Variants in RNF6 observed in about 807,000 individuals in gnomAD.
The protein encoded by RNF6 is ring finger protein 6.
A neutral mutation model predicts 50.1 loss-of-function variants in RNF6; 21 were observed. The ratio of observed to expected loss-of-function variants is 0.42; its 90% CI spans 0.30 to 0.60. The LOEUF is 0.60. RNF6 is among the 20% of genes least tolerant of loss of function. The pLI, the probability that RNF6 is intolerant of heterozygous loss-of-function variation, is 0.20. For missense variants in RNF6, 698 were observed against 838.2 expected, an observed-to-expected ratio of 0.83 and a Z score of 2.07; for synonymous variants, 255 against 291.8, an observed-to-expected ratio of 0.87 and a Z score of 1.29.
At chr13:26,176,094 G>C (rs1872944840) in intron 5 of RNF6, among the ~76,000 whole-genome samples, 1 of 152,152 alleles carries the variant, frequency 6.6e-6, no homozygotes, top group Non-Finnish European at 1.5e-5. Context: ...GGCCATGGTG[G>C]TTGTCTAAGG....
chr13:26,157,956 A>AAGAT (rs151267109), intron 5 of RNF6, among the ~76,000 whole-genome samples: 22,514 of 146,562 alleles, frequency 0.15, 1,863 homozygotes, highest in East Asian at 0.22. Flanking sequence ...AGCTAGCTAG[A>AAGAT]AGATAGATAG....
At chr13:26,184,018 A>ATATATTTT (rs1335766541) in intron 5 of RNF6, among the ~76,000 whole-genome samples, 10 of 33,940 alleles carry the variant, frequency 2.9e-4, no homozygotes, top group African/African-American at 9.3e-4. Context: ...ATATATATAT[A>ATATATTTT]TTTTTTTTTT....
Position 26,191,469 on chromosome 13 carries a change from C to T in RNF6, n.768+24005G>A, listed in dbSNP as rs534099836. ...TTGGCTCTATGTCCCCAAATCTCAT[C>T]TCAAATTGTAATCCCCACATGTCAA... On this transcript the variant is annotated intron_variant and non_coding_transcript_variant, in intron 5 of 5. Transcript: ENST00000468480. Among the ~76,000 whole-genome samples, 81 of 152,228 alleles carry T rather than the reference C, an allele frequency of 5.3e-4. 1 individual carries two copies. The South Asian group carries it at 0.016, about 30-fold the overall frequency.
intron 5 of RNF6, among the ~76,000 whole-genome samples, chr13:26,148,632 TTATA>T (rs57373126): frequency 0.012 from 560 of 47,050 alleles, 9 homozygotes; most frequent in South Asian, 0.026. Context: ...ATAAATCTCT[TTATA>T]TATATATATA....
downstream of RNF6, among the ~76,000 whole-genome samples, chr13:26,208,025 A>G (rs938332118): frequency 3.9e-5 from 6 of 152,240 alleles, no homozygotes; most frequent in Non-Finnish European, 7.3e-5. Context: ...CCTAGTAGAC[A>G]TTAACTAAGG....
intron 5 of RNF6, among the ~76,000 whole-genome samples, chr13:26,184,016 ATATTTTTTTTTTT>A (rs1225315563): frequency 0.023 from 882 of 38,494 alleles, 5 homozygotes; most frequent in Non-Finnish European, 0.029. Flanking sequence ...ATATATATAT[ATATTTTTTTTTTT>A]TTTTTTTTTT....
At chr13:26,137,537 CT>C (rs1418773525) in intron 5 of RNF6, among the ~76,000 whole-genome samples, 1 of 151,198 alleles carries the variant, frequency 6.6e-6, no homozygotes, top group Non-Finnish European at 1.5e-5. Flanking sequence ...TTAGACAGAA[CT>C]TTTTATCAGT....
At chr13:26,177,849 A>C (rs1192759784) in intron 5 of RNF6, among the ~76,000 whole-genome samples, 1 of 152,168 alleles carries the variant, frequency 6.6e-6, no homozygotes, top group Non-Finnish European at 1.5e-5. Context: ...CCACCATGTT[A>C]TTTCTTTCTA....
chr13:26,142,401 T>C (rs1871004278), intron 5 of RNF6: 1 of 152,186 alleles, frequency 6.6e-6, no homozygotes, highest in Non-Finnish European at 1.5e-5. Context: ...TGAATCATTC[T>C]ACCAAAAAGA....
chr13:26,141,640 C>G (rs1870957822), intron 5 of RNF6, among the ~76,000 whole-genome samples: 1 of 152,066 alleles, frequency 6.6e-6, no homozygotes, highest in Non-Finnish European at 1.5e-5. Context: ...AAAGAACTCT[C>G]TATTCAGTAA....
intron 5 of RNF6, among the ~76,000 whole-genome samples, chr13:26,174,086 C>T (rs1015849132): frequency 2.0e-5 from 3 of 152,204 alleles, no homozygotes; most frequent in Non-Finnish European, 4.4e-5. Flanking sequence ...CATAGGCTCA[C>T]TGCCATCCAC....
intron 5 of RNF6, among the ~76,000 whole-genome samples, chr13:26,175,123 C>T (rs1032235394): frequency 6.6e-6 from 1 of 152,150 alleles, no homozygotes. Flanking sequence ...CTCTGTCACC[C>T]AGGCTGGAGT....
intron 5 of RNF6, among the ~76,000 whole-genome samples, chr13:26,205,377 G>A (rs1000429755): frequency 3.3e-5 from 5 of 152,298 alleles, no homozygotes; most frequent in African/African-American, 1.2e-4. Context: ...TCTGAGAGTT[G>A]AGGCTCAATG....
intron 5 of RNF6, among the ~76,000 whole-genome samples, chr13:26,141,638 C>T (rs1566404575): frequency 2.0e-5 from 3 of 152,026 alleles, no homozygotes; most frequent in Admixed American, 1.3e-4. Context: ...GGAAAGAACT[C>T]TCTATTCAGT....
At chr13:26,186,768 CTTCTTCT>C (rs1415995674) in intron 5 of RNF6, among the ~76,000 whole-genome samples, 3 of 40,236 alleles carry the variant, frequency 7.5e-5, no homozygotes, top group Non-Finnish European at 1.9e-4. Flanking sequence ...AGGGACCTTT[CTTCTTCT>C]TTTTTTTTTT....
intron 5 of RNF6, among the ~76,000 whole-genome samples, chr13:26,185,528 C>T (rs1270305518): frequency 1.3e-5 from 2 of 151,992 alleles, no homozygotes; most frequent in African/African-American, 4.8e-5. Flanking sequence ...GGGCGGATCA[C>T]GAGGTCAAGA....
Position 26,214,044 on chromosome 13 carries a change from T to C in RNF6, c.1838A>G (p.Asn613Ser), listed in dbSNP as rs776633817. ...ATGCTCATAGTGCCTGGTGGAAAGA[T>C]TGTCAATCTGCTCTTTGGTTAAACC... ...IRGLTKEQID[N>S]LSTRHYEHNS... The change falls in exon 5 of 5, where the codon AAT becomes AGT. Residue 613 changes from asparagine (N) to serine (S), a missense_variant. Physicochemically the swap from Asn to Ser is conservative, Grantham distance 46. Transcript: ENST00000381588. 3 of 1,614,186 alleles carry C rather than the reference T, an allele frequency of 1.9e-6. No individual in the cohort carries two copies. The highest frequency in any genetic ancestry group is 2.2e-5 in the East Asian group (1 of 44,892).
chr13:26,184,505 G>T (rs1004005533), intron 5 of RNF6, among the ~76,000 whole-genome samples: 1 of 152,136 alleles, frequency 6.6e-6, no homozygotes, highest in African/African-American at 2.4e-5. Flanking sequence ...GGCATATTCT[G>T]CTATCAAAAC....
At chr13:26,177,404 G>A (rs1209858886) in intron 5 of RNF6, among the ~76,000 whole-genome samples, 3 of 152,110 alleles carry the variant, frequency 2.0e-5, no homozygotes, top group Admixed American at 6.5e-5. Flanking sequence ...AGACTCTCTC[G>A]TTACCTCCTG....
Sources: allele counts gnomAD v4.1 joint callset (sites outside exome capture counted in the v4.1 genomes callset), GRCh38; gene constraint gnomAD v4.1.1; transcripts MANE v1.5; gene names NCBI Gene and HGNC (gene_info 2026-07-23, HGNC 2026-07-21).